Variants in NHSL2 observed in about 807,000 individuals in gnomAD.
The protein encoded by NHSL2 is NHS like 2.
Under a neutral mutation model 53.4 loss-of-function variants are expected in NHSL2, and 27 were observed. That is an observed-to-expected ratio of 0.51 (90% CI 0.37 to 0.70). The LOEUF (loss-of-function observed/expected upper bound fraction) is 0.70, where lower values mean the gene tolerates loss of function less well. Among genes scored for constraint, NHSL2 ranks in the 30% least tolerant of loss-of-function variants. The pLI, the probability that NHSL2 is intolerant of heterozygous loss-of-function variation, is 0.00. For synonymous variants in NHSL2, 408 were observed against 404.1 expected (o/e 1.01, Z -0.12); for missense variants, 892 against 980.1 (o/e 0.91, Z 1.20).
chrX:71,930,310 C>T (rs1040263183), intron 1 of NHSL2, among the ~76,000 whole-genome samples: 5 of 112,530 alleles, frequency 4.4e-5, no homozygotes, highest in African/African-American at 1.6e-4. Flanking sequence ...GGCTGGAACA[C>T]TCATTCCCCA....
At chrX:71,931,541 C>T (rs988376671) in intron 1 of NHSL2, among the ~76,000 whole-genome samples, 21 of 112,230 alleles carry the variant, frequency 1.9e-4, no homozygotes, top group Non-Finnish European at 1.9e-5. Context: ...TTTTTGTATA[C>T]GGTGTGAAGT....
chrX:71,976,445 G>A (rs2041948518), intron 1 of NHSL2, among the ~76,000 whole-genome samples: 1 of 111,848 alleles, frequency 8.9e-6, no homozygotes, highest in Non-Finnish European at 1.9e-5. Flanking sequence ...AAACAAAATT[G>A]TGTCATCCCC....
At chrX:72,068,675 TGAGAGAGAGAGA>T (rs5902689) in intron 1 of NHSL2, among the ~76,000 whole-genome samples, 12 of 108,876 alleles carry the variant, frequency 1.1e-4, no homozygotes, top group African/African-American at 2.0e-4. Context: ...TGTGTGTGTG[TGAGAGAGAGAGA>T]GAGAGAGAGA....
intron 1 of NHSL2, chrX:72,127,154 A>T (rs780910485): frequency 9.0e-6 from 1 of 111,619 alleles, no homozygotes; most frequent in African/African-American, 3.3e-5. Flanking sequence ...AAGCTTTAGC[A>T]TACAGAGCAG....
chrX:71,928,603 A>G (rs2041697685), intron 1 of NHSL2, among the ~76,000 whole-genome samples: 1 of 111,151 alleles, frequency 9.0e-6, no homozygotes, highest in African/African-American at 3.3e-5. Flanking sequence ...AGTTGGGGAA[A>G]GCACTGTTTC....
chrX:72,056,157 A>T (rs761267162), intron 1 of NHSL2, among the ~76,000 whole-genome samples: 2 of 111,749 alleles, frequency 1.8e-5, no homozygotes, highest in Non-Finnish European at 1.9e-5. Context: ...TTTCTGCAGG[A>T]CAGTTGGGCA....
chrX:72,120,709 G>A (rs889281303), intron 1 of NHSL2, among the ~76,000 whole-genome samples: 5 of 112,228 alleles, frequency 4.5e-5, no homozygotes, highest in African/African-American at 1.6e-4. Context: ...TTACAGTCAA[G>A]AAAATGAGTC....
chrX:72,029,762 A>G (rs192022115), intron 1 of NHSL2, among the ~76,000 whole-genome samples: 321 of 112,631 alleles, frequency 2.9e-3, no homozygotes, highest in African/African-American at 9.8e-3. Flanking sequence ...GGAGGCGGAG[A>G]AAATGTCAGG....
chrX:71,963,983 A>ATGTGTG lies in NHSL2; in HGVS notation c.280+52617_280+52618insGTGTGT, dbSNP rs1331116752. 6.8e-3 allele frequency among the ~76,000 whole-genome samples: 446 copies of ATGTGTG among 65,370 alleles called. 6 individuals are homozygous for ATGTGTG. Among genetic ancestry groups the ATGTGTG allele is most frequent in the African/African-American group, 0.016 (235 of 14,571 alleles). 56.8% of individuals were successfully genotyped at this position (65,370 alleles called of 115,157 possible). On this transcript the variant is annotated intron_variant, in intron 1 of 7. Coordinates refer to ENST00000633930, the MANE Select transcript of NHSL2 (RefSeq NM_001013627.3). ...TACACATATATATATACATATATAT[A>ATGTGTG]TATATATATGTATATACATATATAT...
intron 1 of NHSL2, among the ~76,000 whole-genome samples, chrX:72,080,983 G>A (rs1478618391): frequency 3.6e-5 from 4 of 111,873 alleles, no homozygotes; most frequent in South Asian, 3.7e-4. Context: ...GGGAGGGGGC[G>A]CGTGATGCCA....
intron 1 of NHSL2, chrX:72,131,063 G>C: frequency 8.3e-7 from 1 of 1,210,539 alleles, no homozygotes; most frequent in Non-Finnish European, 1.1e-6. Flanking sequence ...AGGTAGACTG[G>C]GTCTCCTGAA....
intron 5 of NHSL2, among the ~76,000 whole-genome samples, chrX:72,138,193 G>A (rs761234135): frequency 4.5e-5 from 5 of 111,949 alleles, no homozygotes; most frequent in African/African-American, 9.7e-5. Flanking sequence ...AGCTCTAAGA[G>A]GAATAATCAA....
At chrX:71,970,261 G>C (rs2041919635) in intron 1 of NHSL2, among the ~76,000 whole-genome samples, 1 of 111,973 alleles carries the variant, frequency 8.9e-6, no homozygotes, top group South Asian at 3.7e-4. Context: ...TGGCCTCACA[G>C]AATGAGTCTG....
chrX:72,129,602 G>A, intron 1 of NHSL2: 1 of 418,371 alleles, frequency 2.4e-6, no homozygotes, highest in Non-Finnish European at 4.1e-6. Flanking sequence ...TACATGCCAA[G>A]AGGGCAGCTA....
intron 4 of NHSL2, among the ~76,000 whole-genome samples, chrX:72,136,521 C>T (rs1039886921): frequency 1.1e-4 from 12 of 111,955 alleles, no homozygotes; most frequent in Non-Finnish European, 2.1e-4. Context: ...ATGCTGTGAG[C>T]CAGCTTTGGT....
chrX:71,961,671 G>A (rs1050639854), intron 1 of NHSL2, among the ~76,000 whole-genome samples: 2 of 110,726 alleles, frequency 1.8e-5, no homozygotes, highest in Admixed American at 9.6e-5. Flanking sequence ...TTTTTTGTTT[G>A]ATTTTTGTTT....
chrX:72,092,012 A>G (rs2041904462), intron 1 of NHSL2, among the ~76,000 whole-genome samples: 1 of 111,465 alleles, frequency 9.0e-6, no homozygotes, highest in South Asian at 3.8e-4. Context: ...ACACGCACCA[A>G]GAGGACCAAA....
At chrX:71,990,417 C>T (rs1445287322) in intron 1 of NHSL2, among the ~76,000 whole-genome samples, 1 of 111,305 alleles carries the variant, frequency 9.0e-6, no homozygotes, top group Non-Finnish European at 1.9e-5. Context: ...TCTGGGTTCT[C>T]CCTCTCTGTT....
At chrX:72,007,407 C>T (rs1234573059) in intron 1 of NHSL2, among the ~76,000 whole-genome samples, 1 of 112,452 alleles carries the variant, frequency 8.9e-6, no homozygotes, top group African/African-American at 3.2e-5. Context: ...ATGGCAGCTA[C>T]CCGGGGATGC....
Sources: allele counts gnomAD v4.1 joint callset (sites outside exome capture counted in the v4.1 genomes callset), GRCh38; gene constraint gnomAD v4.1.1; transcripts MANE v1.5; gene names NCBI Gene and HGNC (gene_info 2026-07-23, HGNC 2026-07-21).